Variants in ROBO1 observed in about 807,000 individuals in gnomAD.
The protein encoded by ROBO1 is roundabout guidance receptor 1, also known as roundabout homolog 1.
In ROBO1, 149 loss-of-function variants were observed where a neutral mutation model predicts 195.9. The observed-to-expected ratio is 0.76, with a 90% CI of 0.67 to 0.87. The LOEUF (loss-of-function observed/expected upper bound fraction) is 0.87. Among genes scored for constraint, ROBO1 ranks in the 40% least tolerant of loss-of-function variants. ROBO1 has a pLI of 0.00. For missense variants in ROBO1, 1,933 were observed against 2,068.3 expected (o/e 0.93, Z 1.27); for synonymous variants, 816 against 733.2 (o/e 1.11, Z -1.82).
intron 2 of ROBO1, among the ~76,000 whole-genome samples, chr3:79,258,687 C>G (rs942659584): frequency 2.6e-5 from 4 of 152,148 alleles, no homozygotes; most frequent in African/African-American, 9.7e-5. Context: ...TTACTCAACT[C>G]TCTAGGCTGA....
chr3:78,990,917 C>T (rs1310595396), intron 3 of ROBO1, among the ~76,000 whole-genome samples: 3 of 152,168 alleles, frequency 2.0e-5, no homozygotes, highest in Non-Finnish European at 4.4e-5. Flanking sequence ...TAAGCTCTTA[C>T]ACATACAGTT....
intron 1 of ROBO1, among the ~76,000 whole-genome samples, chr3:79,756,348 G>A (rs1356921069): frequency 2.6e-5 from 4 of 151,960 alleles, no homozygotes; most frequent in African/African-American, 4.8e-5. Flanking sequence ...TTAGGAGTTC[G>A]AGATCAGCCT....
intron 4 of ROBO1, among the ~76,000 whole-genome samples, chr3:78,788,458 A>AG (rs1559857429): frequency 6.7e-6 from 1 of 149,344 alleles, no homozygotes; most frequent in Non-Finnish European, 1.5e-5. Flanking sequence ...AAAAAAAAAA[A>AG]AAAAGATTCC....
chr3:79,726,054 G>T (rs79058913), intron 1 of ROBO1, among the ~76,000 whole-genome samples: 1 of 152,118 alleles, frequency 6.6e-6, no homozygotes, highest in African/African-American at 2.4e-5. Flanking sequence ...AGCCATTCTC[G>T]GCTGGGTTCC....
intron 4 of ROBO1, among the ~76,000 whole-genome samples, chr3:78,861,511 A>T (rs2034835165): frequency 6.6e-6 from 1 of 152,172 alleles, no homozygotes; most frequent in South Asian, 2.1e-4. Context: ...ATAGAATTCT[A>T]ACCTCCTAAC....
At chr3:78,714,716 T>C (rs192954132) in intron 7 of ROBO1, 192 bp from the exon 8 acceptor site, 119 of 444,170 alleles carry the variant, frequency 2.7e-4, no homozygotes, top group Admixed American at 5.6e-4. Context: ...GACTAACATA[T>C]TAAACTACTT....
At chr3:79,521,873 A>T (rs571569887) in intron 2 of ROBO1, among the ~76,000 whole-genome samples, 1 of 151,998 alleles carries the variant, frequency 6.6e-6, no homozygotes, top group South Asian at 2.1e-4. Context: ...TGTGCCTTGG[A>T]TATCTGTGTC....
intron 3 of ROBO1, among the ~76,000 whole-genome samples, chr3:78,991,342 T>C (rs1383237735): frequency 2.6e-5 from 4 of 152,096 alleles, no homozygotes; most frequent in Non-Finnish European, 5.9e-5. Context: ...AATGTAGAAG[T>C]GTGTTGAAGT....
At chr3:79,059,111 G>T (rs1398866919) in intron 3 of ROBO1, among the ~76,000 whole-genome samples, 1 of 152,110 alleles carries the variant, frequency 6.6e-6, no homozygotes, top group African/African-American at 2.4e-5. Context: ...TGCAAATGCA[G>T]TGTGATTGGA....
At chr3:79,302,201 C>G (rs1470384432) in intron 2 of ROBO1, among the ~76,000 whole-genome samples, 1 of 152,154 alleles carries the variant, frequency 6.6e-6, no homozygotes, top group Non-Finnish European at 1.5e-5. Flanking sequence ...TTCGCATGCA[C>G]GACTCTGCTT....
At chr3:79,405,054 T>A (rs1055468025) in intron 2 of ROBO1, among the ~76,000 whole-genome samples, 2 of 152,124 alleles carry the variant, frequency 1.3e-5, no homozygotes, top group African/African-American at 2.4e-5. Context: ...TTTTAAAAAA[T>A]TTTTCAAGTA....
At chr3:79,306,604 C>G (rs900524960) in intron 2 of ROBO1, among the ~76,000 whole-genome samples, 2 of 152,158 alleles carry the variant, frequency 1.3e-5, no homozygotes, top group Admixed American at 6.5e-5. Context: ...CAAGCACAGC[C>G]AGTGAAAGCG....
chr3:79,033,545 C>T (rs915211084), intron 3 of ROBO1, among the ~76,000 whole-genome samples: 5 of 152,088 alleles, frequency 3.3e-5, no homozygotes, highest in African/African-American at 1.2e-4. Flanking sequence ...AATTAATCCA[C>T]CTGGTTTGAT....
chr3:79,638,359 T>C (rs12490413), intron 1 of ROBO1, among the ~76,000 whole-genome samples: 94,252 of 152,070 alleles, frequency 0.62, 29,727 homozygotes, highest in African/African-American at 0.73. Flanking sequence ...TAAAACCATA[T>C]GTATATTCTT....
chr3:79,717,996 A>C (rs1390163902), intron 1 of ROBO1, among the ~76,000 whole-genome samples: 2 of 152,048 alleles, frequency 1.3e-5, no homozygotes, highest in Non-Finnish European at 2.9e-5. Context: ...GAACATCAGA[A>C]AGAGGCAAAG....
chr3:79,017,908 AAAC>A (rs2108256128), intron 3 of ROBO1, among the ~76,000 whole-genome samples: 1 of 152,280 alleles, frequency 6.6e-6, no homozygotes, highest in Admixed American at 6.5e-5. Context: ...TGGTTACATA[AAAC>A]AACTACTAAT....
intron 1 of ROBO1, among the ~76,000 whole-genome samples, chr3:79,681,754 C>T (rs539947538): frequency 6.6e-6 from 1 of 151,890 alleles, no homozygotes; most frequent in African/African-American, 2.4e-5. Context: ...TTGGCTCTTT[C>T]AAATACTTAC....
intron 3 of ROBO1, among the ~76,000 whole-genome samples, chr3:79,083,892 T>C (rs932527109): frequency 1.3e-5 from 2 of 152,204 alleles, no homozygotes; most frequent in East Asian, 3.9e-4. Context: ...TGAACCAAAC[T>C]TCTTCCAGAA....
intron 3 of ROBO1, among the ~76,000 whole-genome samples, chr3:79,098,873 C>T (rs1395049986): frequency 6.6e-6 from 1 of 151,532 alleles, no homozygotes; most frequent in Non-Finnish European, 1.5e-5. Flanking sequence ...TGAAGATGAA[C>T]AAAAGGTCTG....
Sources: gnomAD v4.1 joint callset for allele counts (sites outside exome capture counted in the v4.1 genomes callset) on GRCh38, gnomAD v4.1.1 for gene constraint, MANE v1.5 for transcripts, NCBI Gene and HGNC (gene_info 2026-07-23, HGNC 2026-07-21) for gene names.